The following RPS6KA2 variants were observed in gnomAD, a reference collection of about 807,000 sequenced individuals.
RPS6KA2 encodes ribosomal protein S6 kinase A2.
In RPS6KA2, 42 loss-of-function variants were observed where a neutral mutation model predicts 91.8. The ratio of observed to expected loss-of-function variants is 0.46; its 90% CI spans 0.36 to 0.59. RPS6KA2 has a LOEUF of 0.59. Among genes scored for constraint, RPS6KA2 ranks in the 20% least tolerant of loss-of-function variants. RPS6KA2 has a pLI of 0.00. For missense variants in RPS6KA2, 798 were observed against 978.5 expected, an observed-to-expected ratio of 0.82 and a Z score of 2.46; for synonymous variants, 414 against 393.6, an observed-to-expected ratio of 1.05 and a Z score of -0.61.
chr6:166,550,051 G>A (rs1005239195), intron 1 of RPS6KA2, among the ~76,000 whole-genome samples: 1 of 152,018 alleles, frequency 6.6e-6, no homozygotes, highest in African/African-American at 2.4e-5. Flanking sequence ...AAAAATAAAC[G>A]TCATGTATAT....
At chr6:166,558,839 G>C (rs1784255282) in intron 1 of RPS6KA2, among the ~76,000 whole-genome samples, 3 of 152,188 alleles carry the variant, frequency 2.0e-5, no homozygotes. Flanking sequence ...TGACACACAA[G>C]CTCTGACATC....
intron 1 of RPS6KA2, among the ~76,000 whole-genome samples, chr6:166,550,434 A>G (rs1189328038): frequency 8.1e-6 from 1 of 123,768 alleles, no homozygotes; most frequent in African/African-American, 2.9e-5. Context: ...GAATAAACCT[A>G]TTAATTGGTA....
At position 166,508,382 on chromosome 6, in the gene RPS6KA2, A is replaced by G. The variant is rs1782338069; in HGVS notation, c.380-100T>C. 2.6e-6 allele frequency: 2 copies of G among 775,522 alleles called. No homozygotes were observed. The highest frequency in any genetic ancestry group is 4.4e-6 in the Non-Finnish European group (2 of 457,368). The allele number at this position is 775,522 out of a possible 1,614,324, so 48.0% of individuals were successfully genotyped here. A position where few individuals can be genotyped will look rare whatever the true frequency, so the allele number is the denominator to read the frequency against. On this transcript the variant is annotated intron_variant, in intron 4 of 20. Coordinates refer to ENST00000265678, the MANE Select transcript of RPS6KA2 (RefSeq NM_021135.6). The surrounding 1 kb of genome is among the most constrained non-coding windows in gnomAD (Gnocchi z 4.3). ...TGCTCACGGTGCTGCTTACTCCGGG[A>G]GGCTGAGTCACTTGAGAAACGGCAG...
At chr6:166,429,223 G>A (rs1283834514) in intron 16 of RPS6KA2, among the ~76,000 whole-genome samples, 1 of 147,050 alleles carries the variant, frequency 6.8e-6, no homozygotes, top group Non-Finnish European at 1.5e-5. Context: ...ACTCATACGT[G>A]GGAATTGAAC....
At chr6:166,748,364 C>A (rs563859361) in intron 2 of RPS6KA2, among the ~76,000 whole-genome samples, 1 of 152,078 alleles carries the variant, frequency 6.6e-6, no homozygotes, top group Non-Finnish European at 1.5e-5. Context: ...GGTGTTTCTG[C>A]GGTGTCTTCC....
At chr6:166,782,999 AG>A (rs1450507105) in intron 2 of RPS6KA2, among the ~76,000 whole-genome samples, 1 of 151,824 alleles carries the variant, frequency 6.6e-6, no homozygotes, top group African/African-American at 2.4e-5. Context: ...TGTGGTGCCC[AG>A]TTGTTTGGTC....
At chr6:166,783,389 T>C (rs1778823371) in intron 2 of RPS6KA2, among the ~76,000 whole-genome samples, 1 of 152,080 alleles carries the variant, frequency 6.6e-6, no homozygotes, top group South Asian at 2.1e-4. Flanking sequence ...GCCTTGAGAC[T>C]AGAACATCTA....
At chr6:166,741,904 A>G (rs952977287) in intron 2 of RPS6KA2, among the ~76,000 whole-genome samples, 15 of 152,334 alleles carry the variant, frequency 9.8e-5, no homozygotes, top group African/African-American at 3.6e-4. Flanking sequence ...AGGAAGGCGG[A>G]TCACCTGAGG....
At chr6:166,616,438 C>T (rs1786415061) in intron 1 of RPS6KA2, among the ~76,000 whole-genome samples, 1 of 152,240 alleles carries the variant, frequency 6.6e-6, no homozygotes, top group Non-Finnish European at 1.5e-5. Context: ...GCTCTCATGC[C>T]TGCCTGAGGC....
chr6:166,467,470 T>C (rs1780586555), intron 11 of RPS6KA2, among the ~76,000 whole-genome samples: 1 of 151,960 alleles, frequency 6.6e-6, no homozygotes, highest in Admixed American at 6.6e-5. Context: ...GGGGCTGGGG[T>C]GCTGGGAGAG....
intron 2 of RPS6KA2, among the ~76,000 whole-genome samples, chr6:166,763,621 G>C (rs1015233098): frequency 2.6e-5 from 4 of 152,226 alleles, no homozygotes; most frequent in African/African-American, 9.6e-5. Context: ...TTCCTTGGGG[G>C]AACAACCTTG....
chr6:166,630,650 C>T (rs1040054556), upstream of RPS6KA2, among the ~76,000 whole-genome samples: 2 of 152,186 alleles, frequency 1.3e-5, no homozygotes, highest in African/African-American at 4.8e-5. Flanking sequence ...GCTCCAGAGA[C>T]AGTGTCCAGC....
intron 12 of RPS6KA2, among the ~76,000 whole-genome samples, chr6:166,454,088 C>G (rs1214544200): frequency 1.3e-5 from 2 of 152,150 alleles, no homozygotes; most frequent in African/African-American, 4.8e-5. Flanking sequence ...TGAGAAATTA[C>G]TTAATGGGTA....
chr6:166,424,957 A>G (rs1476155785), intron 16 of RPS6KA2, among the ~76,000 whole-genome samples: 1 of 152,210 alleles, frequency 6.6e-6, no homozygotes, highest in Non-Finnish European at 1.5e-5. Flanking sequence ...GGAGCTGAAA[A>G]CAACTGAAAA....
rs1484334319 is a variant in RPS6KA2, at chr6:166,817,038, G to A, written c.123+41162C>T. On this transcript the variant is annotated intron_variant, in intron 2 of 21. Transcript: ENST00000503859. ...TCACCTCAAACCATGATTCAAATAA[G>A]GCAGATTTTGAGTTTGTGCATAAAT... Among the ~76,000 whole-genome samples, 3 of 152,182 alleles carry A rather than the reference G, an allele frequency of 2.0e-5. No individual in the cohort carries two copies. In the South Asian group the frequency reaches 6.2e-4, roughly 31 times the overall value.
At chr6:166,548,757 G>A (rs767624239) in intron 1 of RPS6KA2, among the ~76,000 whole-genome samples, 6 of 152,170 alleles carry the variant, frequency 3.9e-5, no homozygotes, top group South Asian at 4.1e-4. Context: ...GGGGAAAATT[G>A]TCCAAACTTA....
chr6:166,637,623 G>C (rs1463556682), intron 2 of RPS6KA2, among the ~76,000 whole-genome samples: 1 of 152,272 alleles, frequency 6.6e-6, no homozygotes, highest in Non-Finnish European at 1.5e-5. Context: ...CTTAAAGTCA[G>C]TGTGGGCTGT....
At chr6:166,546,797 C>T (rs1783842213) in intron 1 of RPS6KA2, among the ~76,000 whole-genome samples, 1 of 152,164 alleles carries the variant, frequency 6.6e-6, no homozygotes, top group Admixed American at 6.5e-5. Flanking sequence ...TTGGTCAATA[C>T]CTCTACCAGA....
At chr6:166,728,462 C>A (rs4487559) in intron 2 of RPS6KA2, among the ~76,000 whole-genome samples, 11,753 of 152,158 alleles carry the variant, frequency 0.077, 750 homozygotes, top group African/African-American at 0.17. Context: ...CATGACAAGC[C>A]TATTCTTCTC....
Sources: gnomAD v4.1 joint callset for allele counts (sites outside exome capture counted in the v4.1 genomes callset) on GRCh38, gnomAD v4.1.1 for gene constraint, Gnocchi (gnomAD v3.1) non-coding constraint, MANE v1.5 for transcripts, NCBI Gene and HGNC (gene_info 2026-07-23, HGNC 2026-07-21) for gene names.